MECOM: variants seen among roughly 807,000 people sequenced by gnomAD.
The protein encoded by MECOM is MDS1 and EVI1 complex locus, also known as histone-lysine N-methyltransferase MECOM.
MECOM carries 13 observed loss-of-function variants against 116.3 expected under a neutral mutation model. That is an observed-to-expected ratio of 0.11 (90% CI 0.07 to 0.18). MECOM has a LOEUF of 0.18. Ranked by LOEUF, MECOM falls within the 10% of genes least tolerant of loss-of-function variation. The pLI is 1.00. For missense variants in MECOM, 1,299 were observed against 1,509.0 expected (o/e 0.86, Z 2.31); for synonymous variants, 528 against 535.2 (o/e 0.99, Z 0.19).
chr3:169,486,825 G>T (rs1752439642), intron 1 of MECOM, among the ~76,000 whole-genome samples: 1 of 152,014 alleles, frequency 6.6e-6, no homozygotes, highest in Non-Finnish European at 1.5e-5. Context: ...TGAGCACACA[G>T]CCCCAAATTA....
At chr3:169,117,927 A>C (rs1473227216) in intron 7 of MECOM, among the ~76,000 whole-genome samples, 3 of 152,076 alleles carry the variant, frequency 2.0e-5, no homozygotes, top group African/African-American at 7.2e-5. Flanking sequence ...TTATTTTAAC[A>C]CTTCTGTGCA....
At chr3:169,440,819 T>A (rs1232037578) in intron 1 of MECOM, among the ~76,000 whole-genome samples, 1 of 152,054 alleles carries the variant, frequency 6.6e-6, no homozygotes, top group African/African-American at 2.4e-5. Context: ...CTCCACCAGT[T>A]TAGACAGCTC....
chr3:169,108,045 CTT>C, intron 9 of MECOM, 93 bp from the exon 10 acceptor site: 5 of 1,081,918 alleles, frequency 4.6e-6, no homozygotes, highest in Non-Finnish European at 5.5e-6. Context: ...TTTGTACTAA[CTT>C]AGTAATTTTT....
At chr3:169,272,424 C>T (rs762655358) in intron 2 of MECOM, among the ~76,000 whole-genome samples, 25 of 152,124 alleles carry the variant, frequency 1.6e-4, no homozygotes, top group Non-Finnish European at 3.5e-4. Context: ...GTTAGTGAGA[C>T]AAACTCAATG....
intron 2 of MECOM, among the ~76,000 whole-genome samples, chr3:169,156,851 C>G (rs999737835): frequency 2.6e-5 from 4 of 152,222 alleles, no homozygotes; most frequent in African/African-American, 9.6e-5. Flanking sequence ...CAATCTCCAT[C>G]TAAGGATGCC....
chr3:169,381,250 T>C lies in MECOM; in HGVS notation c.312A>G (p.Glu104=), dbSNP rs1303271302. 6.2e-7 allele frequency: 1 copy of C among 1,613,824 alleles called. No homozygotes were observed. Among genetic ancestry groups the C allele is most frequent in the Non-Finnish European group, 8.5e-7 (1 of 1,179,752 alleles). The change falls in exon 2 of 17, where the codon GAA becomes GAG. Residue 104 remains glutamate, a synonymous_variant. Transcript: ENST00000651503. The part of the protein sequence containing the change: ...IWTKRKIEVG[E]KFGPYVGEQR... Reference sequence around the variant, plus strand: ...GCTCTCCCACATAAGGCCCAAACTTTTCACCTACTTCGATCTTCCTTTTGG... The same window carrying C: ...GCTCTCCCACATAAGGCCCAAACTTCTCACCTACTTCGATCTTCCTTTTGG...
At position 169,151,231 on chromosome 3, in the gene MECOM, C is replaced by T. The variant is rs74632289; in HGVS notation, c.376-7399G>A. ...CAGCCAAAGCCAGATGAAATGACTG[C>T]ACTGTCCACTTTTAATAGGCTTCCT... On this transcript the variant is annotated intron_variant, in intron 2 of 16. Coordinates refer to ENST00000651503, the MANE Select transcript of MECOM (RefSeq NM_004991.4). Among the ~76,000 whole-genome samples, 1,226 of 152,278 alleles carry T rather than the reference C, an allele frequency of 8.1e-3. 7 individuals carry two copies. Among genetic ancestry groups the T allele is most frequent in the South Asian group, 0.021 (101 of 4,830 alleles).
At chr3:169,310,169 A>G (rs1051561907) in intron 2 of MECOM, among the ~76,000 whole-genome samples, 1 of 152,224 alleles carries the variant, frequency 6.6e-6, no homozygotes, top group Non-Finnish European at 1.5e-5. Flanking sequence ...AAGATTAAAG[A>G]CATTTTTTCC....
chr3:169,378,704 G>T (rs143516953), intron 2 of MECOM, among the ~76,000 whole-genome samples: 87 of 151,854 alleles, frequency 5.7e-4, no homozygotes, highest in African/African-American at 1.9e-3. Flanking sequence ...CTAGATAGAT[G>T]GCAATGGAAT....
chr3:169,596,296 G>A (rs780091697), intron 1 of MECOM, among the ~76,000 whole-genome samples: 2 of 152,182 alleles, frequency 1.3e-5, no homozygotes, highest in Non-Finnish European at 2.9e-5. Flanking sequence ...CATATTGGAT[G>A]AGCACATTCA....
intron 1 of MECOM, chr3:169,483,844 C>T (rs1177252832): frequency 1.7e-5 from 27 of 1,611,456 alleles, no homozygotes; most frequent in Admixed American, 1.0e-4. Context: ...TCGGATGTCA[C>T]GGTGATCTTG....
At chr3:169,642,919 G>A (rs564803066) in intron 1 of MECOM, among the ~76,000 whole-genome samples, 8 of 152,192 alleles carry the variant, frequency 5.3e-5, no homozygotes, top group East Asian at 1.9e-4. Context: ...TTAAGGCAGC[G>A]TGAAATTATC....
At chr3:169,227,036 A>T (rs994595984) in intron 2 of MECOM, among the ~76,000 whole-genome samples, 3 of 152,118 alleles carry the variant, frequency 2.0e-5, no homozygotes, top group African/African-American at 7.2e-5. Flanking sequence ...CATTGGCTGG[A>T]CACCACAGCT....
At position 169,472,660 on chromosome 3, in the gene MECOM, A is replaced by AGGAGAGGAGAGGAG. The variant is rs1560319096; in HGVS notation, c.38-91137_38-91136insCTCCTCTCCTCTCC. On this transcript the variant is annotated intron_variant, in intron 1 of 16. Transcript: ENST00000651503. ...AAGGAAAGGAAAGGAAAAGAAAAGA[A>AGGAGAGGAGAGGAG]AGGAAAGGAAAGGAGAGGAGAGGAA... 4.9e-4 allele frequency among the ~76,000 whole-genome samples: 52 copies of AGGAGAGGAGAGGAG among 105,926 alleles called. 13 individuals carry two copies. Among genetic ancestry groups the AGGAGAGGAGAGGAG allele is most frequent in the African/African-American group, 2.9e-3 (50 of 17,246 alleles). 69.5% of individuals were successfully genotyped at this position (105,926 alleles called of 152,430 possible).
chr3:169,195,210 A>C (rs1052564065), intron 2 of MECOM, among the ~76,000 whole-genome samples: 1 of 152,088 alleles, frequency 6.6e-6, no homozygotes, highest in Non-Finnish European at 1.5e-5. Context: ...ATGTTCCATT[A>C]TAATTAAACA....
chr3:169,574,043 T>C (rs1371878183), intron 1 of MECOM, among the ~76,000 whole-genome samples: 1 of 152,232 alleles, frequency 6.6e-6, no homozygotes, highest in African/African-American at 2.4e-5. Flanking sequence ...TATTCAAATT[T>C]ATACAACTCC....
chr3:169,345,378 G>A (rs1725173568), intron 2 of MECOM, among the ~76,000 whole-genome samples: 1 of 152,030 alleles, frequency 6.6e-6, no homozygotes, highest in Non-Finnish European at 1.5e-5. Flanking sequence ...CCACAGGTTT[G>A]ACCCAAGTTT....
Position 169,084,354 on chromosome 3 carries a change from G to A in MECOM, c.*555C>T, listed in dbSNP as rs1371724908. On this transcript the variant is annotated 3_prime_UTR_variant, in exon 17 of 17. Coordinates refer to ENST00000651503, the MANE Select transcript of MECOM (RefSeq NM_004991.4). ...CAATGTACTTAAGAAGGCAAAAGGG[G>A]GAACAAGTACTCCCTGTTATCAGTT... The A allele has an allele frequency of 4.3e-6, 1 of 231,362 alleles. No individual in the cohort carries two copies. Among genetic ancestry groups the A allele is most frequent in the African/African-American group, 2.2e-5 (1 of 45,196 alleles). The allele number at this position is 231,362 out of a possible 1,614,324, so 14.3% of individuals were successfully genotyped here.
chr3:169,626,479 T>G (rs754776770), intron 1 of MECOM, among the ~76,000 whole-genome samples: 1 of 152,190 alleles, frequency 6.6e-6, no homozygotes, highest in Non-Finnish European at 1.5e-5. Context: ...CATCTGTAAC[T>G]ATTCCTCTCT....
Sources: allele counts gnomAD v4.1 joint callset (sites outside exome capture counted in the v4.1 genomes callset), GRCh38; gene constraint gnomAD v4.1.1; transcripts MANE v1.5; gene names NCBI Gene and HGNC (gene_info 2026-07-23, HGNC 2026-07-21).